KLF8: variants seen among roughly 807,000 people sequenced by gnomAD.
KLF8 encodes Krueppel-like factor 8.
KLF8 carries 10 observed loss-of-function variants against 18.2 expected under a neutral mutation model. The observed-to-expected ratio is 0.55, with a 90% CI of 0.34 to 0.93. The LOEUF is 0.93. KLF8 is among the 40% of genes least tolerant of loss of function. The pLI is 0.02. For synonymous variants in KLF8, 109 were observed against 97.3 expected (o/e 1.12, Z -0.71); for missense variants, 264 against 277.9 (o/e 0.95, Z 0.36).
At chrX:56,086,110 G>C in the KLF8 span, among the ~76,000 whole-genome samples, 7 of 112,229 alleles carry the variant, frequency 6.2e-5, no homozygotes, top group Non-Finnish European at 1.3e-4. Context: ...AATGTTAGAA[G>C]ACCCTTACTA....
chrX:56,211,960 G>C, the KLF8 span, among the ~76,000 whole-genome samples: 8 of 111,069 alleles, frequency 7.2e-5, no homozygotes, highest in Admixed American at 7.7e-4. Context: ...GCTCACCCAA[G>C]GCCTTCAGTG....
chrX:56,214,730 C>A, the KLF8 span, among the ~76,000 whole-genome samples: 1 of 112,149 alleles, frequency 8.9e-6, no homozygotes, highest in Admixed American at 9.4e-5. Context: ...TTAGCCCTAG[C>A]AAACTAATAC....
At chrX:56,137,254 G>T in the KLF8 span, among the ~76,000 whole-genome samples, 3 of 104,689 alleles carry the variant, frequency 2.9e-5, no homozygotes, top group Admixed American at 1.0e-4. Context: ...CCCATTACTG[G>T]GTATATACCC....
At chrX:56,077,623 A>G in the KLF8 span, among the ~76,000 whole-genome samples, 9 of 111,834 alleles carry the variant, frequency 8.0e-5, no homozygotes, top group East Asian at 2.0e-3. Flanking sequence ...TTGCCGATGC[A>G]GGCTCTTTTT....
the KLF8 span, among the ~76,000 whole-genome samples, chrX:56,075,394 ATAG>A: frequency 9.0e-6 from 1 of 110,700 alleles, no homozygotes; most frequent in Non-Finnish European, 1.9e-5. Context: ...TTCTGAGTAC[ATAG>A]TAGGTGTATG....
At chrX:56,228,452 T>C (rs925507631), upstream of KLF8, among the ~76,000 whole-genome samples, 2 of 112,318 alleles carry the variant, frequency 1.8e-5, no homozygotes, top group African/African-American at 6.5e-5. Flanking sequence ...TTAATTTTAC[T>C]GTAAAGCCAC....
At chrX:55,944,803 TG>T in the KLF8 span, among the ~76,000 whole-genome samples, 1 of 111,710 alleles carries the variant, frequency 9.0e-6, no homozygotes, top group Admixed American at 9.6e-5. Flanking sequence ...ATTAATTTTT[TG>T]AAGGGTTTTT....
chrX:55,977,787 A>G, the KLF8 span, among the ~76,000 whole-genome samples: 1 of 111,576 alleles, frequency 9.0e-6, no homozygotes. Flanking sequence ...ACTGCTAAGT[A>G]GAGTTGAAAT....
the KLF8 span, among the ~76,000 whole-genome samples, chrX:55,994,871 G>A: frequency 1.1e-4 from 12 of 111,911 alleles, no homozygotes; most frequent in African/African-American, 3.9e-4. Flanking sequence ...ACCATGCCTA[G>A]GTGAAAATAA....
chrX:56,132,006 C>T, the KLF8 span, among the ~76,000 whole-genome samples: 1 of 111,570 alleles, frequency 9.0e-6, no homozygotes. Flanking sequence ...ACAACTAGAC[C>T]TATGAAATGA....
At chrX:56,042,406 GTCCTGAATA>G in the KLF8 span, among the ~76,000 whole-genome samples, 1 of 111,316 alleles carries the variant, frequency 9.0e-6, no homozygotes, top group East Asian at 2.8e-4. Flanking sequence ...CTGAGTTCAG[GTCCTGAATA>G]TCTGTTAATT....
the KLF8 span, among the ~76,000 whole-genome samples, chrX:55,959,041 G>A: frequency 8.9e-6 from 1 of 112,064 alleles, no homozygotes; most frequent in Non-Finnish European, 1.9e-5. Context: ...GCAGGACTGG[G>A]AAACCCTGGC....
chrX:56,038,536 A>G, the KLF8 span, among the ~76,000 whole-genome samples: 1 of 112,565 alleles, frequency 8.9e-6, no homozygotes, highest in Non-Finnish European at 1.9e-5. Flanking sequence ...TGTCCCTACA[A>G]GAACATGATC....
the KLF8 span, among the ~76,000 whole-genome samples, chrX:55,988,571 T>C: frequency 1.8e-5 from 2 of 111,774 alleles, no homozygotes; most frequent in Non-Finnish European, 3.8e-5. Context: ...ATCTCTGTTT[T>C]GGTACCAGTA....
At chrX:56,029,652 G>A in the KLF8 span, among the ~76,000 whole-genome samples, 21 of 112,000 alleles carry the variant, frequency 1.9e-4, no homozygotes, top group East Asian at 1.4e-3. Context: ...AAGTCCCTTC[G>A]TCTTTTTCTA....
chrX:56,193,398 G>A, the KLF8 span, among the ~76,000 whole-genome samples: 1 of 111,771 alleles, frequency 8.9e-6, no homozygotes, highest in Non-Finnish European at 1.9e-5. Flanking sequence ...AACCACCATG[G>A]AGAACAGTTT....
At chrX:56,061,984 T>C in the KLF8 span, among the ~76,000 whole-genome samples, 1 of 82,259 alleles carries the variant, frequency 1.2e-5, no homozygotes, top group Non-Finnish European at 2.4e-5. Context: ...TTGCAACCCC[T>C]GCTTTTTTTT....
the KLF8 span, among the ~76,000 whole-genome samples, chrX:56,048,831 G>A: frequency 9.0e-6 from 1 of 111,474 alleles, no homozygotes. Context: ...TGATGGGGTT[G>A]GCATTGAATC....
the KLF8 span, among the ~76,000 whole-genome samples, chrX:55,987,843 C>T: frequency 4.6e-4 from 51 of 111,682 alleles, no homozygotes; most frequent in South Asian, 1.1e-3. Context: ...CCTATTTCTC[C>T]GCATCCTCTC....
Sources: gnomAD v4.1 joint callset for allele counts (sites outside exome capture counted in the v4.1 genomes callset) on GRCh38, gnomAD v4.1.1 for gene constraint, MANE v1.5 for transcripts, NCBI Gene and HGNC (gene_info 2026-07-23, HGNC 2026-07-21) for gene names.